Variants in TARBP1 observed in about 807,000 individuals in gnomAD.
TARBP1 encodes tRNA guanosine 2 -O-methyltransferase TARBP1.
Under a neutral mutation model 178.6 loss-of-function variants are expected in TARBP1, and 144 were observed. The ratio of observed to expected loss-of-function variants is 0.81; its 90% confidence interval spans 0.70 to 0.93. The LOEUF is 0.93. TARBP1 is among the 40% of genes least tolerant of loss of function. The probability of loss-of-function intolerance (pLI) is 0.00; values close to 1 mark genes in which losing one functional copy is unlikely to be tolerated. For missense variants in TARBP1, 2,067 were observed against 2,011.7 expected (o/e 1.03, Z -0.53); for synonymous variants, 787 against 781.0 (o/e 1.01, Z -0.13).
intron 23 of TARBP1, among the ~76,000 whole-genome samples, chr1:234,408,650 C>T (rs979130353): frequency 6.6e-6 from 1 of 152,090 alleles, no homozygotes; most frequent in African/African-American, 2.4e-5. Flanking sequence ...ATCTCGTGGC[C>T]CCCACCCTGG....
chr1:234,410,014 T>C (rs556081022), intron 23 of TARBP1, among the ~76,000 whole-genome samples: 2 of 152,310 alleles, frequency 1.3e-5, no homozygotes, highest in Non-Finnish European at 2.9e-5. Context: ...TGACAGTCAT[T>C]TTATATCACC....
In TARBP1 at chr1:234,430,196, GGA is replaced by G. The variant is rs779880179; in HGVS notation, c.2498_2499del (p.Leu833ProfsTer58). Reference protein sequence around the residue: ...DQKPELQLDSLHAGPLESFLS... With the variant: ...DQKPELQLDSXHAGPLESFLS... ...AGGAAGCTTTCCAGGGGCCCAGCAT[GGA>G]GAGAGTCCAGCTGCAGCTCAGGCTT... On this transcript the variant is annotated frameshift_variant, in exon 15 of 30. Transcript: ENST00000040877. LOFTEE classifies it high-confidence loss of function. The G allele has an allele frequency of 8.7e-6, 14 of 1,614,098 alleles. No homozygotes were observed. The highest frequency in any genetic ancestry group is 1.3e-5 in the African/African-American group (1 of 74,942).
rs16843189 is a variant in TARBP1 at position 234,447,151 on chromosome 1, C to T, written c.1962-176G>A. Among the ~76,000 whole-genome samples, 2 of 151,888 alleles carry T rather than the reference C, an allele frequency of 1.3e-5. No individual in the cohort carries two copies. Among genetic ancestry groups the T allele is most frequent in the East Asian group, 1.9e-4 (1 of 5,160 alleles). Reference sequence around the variant, plus strand: ...ACTCATCTTCTGGTCCGTGCTTTCCCGTGAGGGTGGCGACTCACTAAAGAA... The same window carrying T: ...ACTCATCTTCTGGTCCGTGCTTTCCTGTGAGGGTGGCGACTCACTAAAGAA... On this transcript the variant is annotated intron_variant, in intron 11 of 29. Transcript: ENST00000040877.
chr1:234,448,232 C>T (rs1666383649), intron 11 of TARBP1, among the ~76,000 whole-genome samples: 1 of 152,216 alleles, frequency 6.6e-6, no homozygotes, highest in South Asian at 2.1e-4. Context: ...AGCTACTGTG[C>T]CTGGCCATCT....
At chr1:234,474,752 G>A (rs564066152) in intron 1 of TARBP1, among the ~76,000 whole-genome samples, 1 of 152,254 alleles carries the variant, frequency 6.6e-6, no homozygotes, top group Non-Finnish European at 1.5e-5. Context: ...GAAATATGAG[G>A]ACAAAATAAA....
chr1:234,406,432 G>C (rs1661253769), intron 23 of TARBP1: 2 of 215,086 alleles, frequency 9.3e-6, no homozygotes, highest in African/African-American at 2.3e-5. Context: ...TTTTCAAATG[G>C]AGCCTCCATC....
At chr1:234,465,069 CGGATGGATGGATGGAT>C (rs34607418) in intron 5 of TARBP1, among the ~76,000 whole-genome samples, 2 of 150,654 alleles carry the variant, frequency 1.3e-5, no homozygotes, top group African/African-American at 4.9e-5. Flanking sequence ...GATGGATGAA[CGGATGGATGGATGGAT>C]GGATGGATGG....
chr1:234,394,933 TA>T, intron 26 of TARBP1, among the ~76,000 whole-genome samples: 1 of 151,726 alleles, frequency 6.6e-6, no homozygotes, highest in Non-Finnish European at 1.5e-5. Flanking sequence ...CTACTAAAAA[TA>T]ACACATTAGC....
chr1:234,472,931 G>A (rs912848461), intron 1 of TARBP1, 120 bp from the exon 2 acceptor site: 2 of 779,596 alleles, frequency 2.6e-6, no homozygotes, highest in Admixed American at 2.6e-5. Flanking sequence ...TAATGGAGGT[G>A]CCCCTGTATC....
chr1:234,470,907 C>T (rs12042313), intron 3 of TARBP1, among the ~76,000 whole-genome samples: 17,890 of 151,934 alleles, frequency 0.12, 2,564 homozygotes, highest in East Asian at 0.76. Context: ...TAAGCCACCA[C>T]GCCTGGCCCA....
intron 22 of TARBP1, among the ~76,000 whole-genome samples, chr1:234,416,099 AG>A (rs1299663386): frequency 1.3e-5 from 2 of 152,232 alleles, no homozygotes; most frequent in African/African-American, 2.4e-5. Flanking sequence ...TGGGAGCACC[AG>A]GAAGTTTTGG....
chr1:234,394,060 CA>C (rs1193805951), intron 26 of TARBP1, among the ~76,000 whole-genome samples: 1 of 152,144 alleles, frequency 6.6e-6, no homozygotes, highest in East Asian at 1.9e-4. Context: ...TATTAACCAA[CA>C]TATTATGATA....
At position 234,472,652 on chromosome 1, in the gene TARBP1, T is replaced by C. The variant is rs559137600; in HGVS notation, c.1029+62A>G. On this transcript the variant is annotated intron_variant, in intron 2 of 29. Coordinates refer to ENST00000040877, the MANE Select transcript of TARBP1 (RefSeq NM_005646.4). Reference sequence around the variant, plus strand: ...GTCTCTTTGTATCGCTTTTAATGAATGTTTTTAAAAAAGAAAAATTGTTAT... The same window carrying C: ...GTCTCTTTGTATCGCTTTTAATGAACGTTTTTAAAAAAGAAAAATTGTTAT... The C allele has an allele frequency of 1.3e-4, 147 of 1,127,170 alleles. No homozygotes were observed. The East Asian group carries it at 3.4e-3, about 26-fold the overall frequency. The allele number at this position is 1,127,170 out of a possible 1,614,324, so 69.8% of individuals were successfully genotyped here. A position where few individuals can be genotyped will look rare whatever the true frequency, so the allele number is the denominator to read the frequency against.
At chr1:234,437,903 G>T (rs995137370) in intron 12 of TARBP1, among the ~76,000 whole-genome samples, 3 of 152,216 alleles carry the variant, frequency 2.0e-5, no homozygotes, top group Admixed American at 2.0e-4. Context: ...TCGGAAAGCT[G>T]TTTATGAACT....
In TARBP1 at chr1:234,459,298, G is replaced by A; in HGVS notation, c.1564C>T (p.His522Tyr). Residue 522 changes from histidine to tyrosine, a missense_variant, in exon 8 of 30, where the codon CAT (histidine) becomes TAT (tyrosine). Coordinates refer to ENST00000040877, the MANE Select transcript of TARBP1 (RefSeq NM_005646.4). ...RDVIHCTMIT[H>Y]QILLRGAAQC... is the part of the protein sequence containing the mutation. ...GCTGCCCCTCTCAGGAGAATCTGAT[G>A]TGTGATCATAGTGCAATGAATAACA... 6.2e-7 allele frequency: 1 copy of A among 1,613,226 alleles called. No individual in the cohort carries two copies. The highest frequency in any genetic ancestry group is 8.5e-7 in the Non-Finnish European group (1 of 1,179,666).
chr1:234,441,673 A>C (rs1461518110), intron 12 of TARBP1, among the ~76,000 whole-genome samples: 1 of 152,224 alleles, frequency 6.6e-6, no homozygotes, highest in African/African-American at 2.4e-5. Flanking sequence ...ATCACCTCAA[A>C]GAGAAACCTC....
At chr1:234,427,225 A>C in intron 19 of TARBP1, 92 bp downstream of exon 19, 1 of 855,140 alleles carries the variant, frequency 1.2e-6, no homozygotes, top group Non-Finnish European at 1.8e-6. Flanking sequence ...GATGTCACTT[A>C]TTAAATTTAG....
At chr1:234,412,871 T>C (rs1322136066) in intron 22 of TARBP1, among the ~76,000 whole-genome samples, 1 of 152,146 alleles carries the variant, frequency 6.6e-6, no homozygotes, top group African/African-American at 2.4e-5. Context: ...ATATGCCCGA[T>C]GCAGGCCCCT....
At chr1:234,424,244 A>G (rs116674763) in intron 20 of TARBP1, among the ~76,000 whole-genome samples, 2 of 152,226 alleles carry the variant, frequency 1.3e-5, no homozygotes, top group East Asian at 3.8e-4. Flanking sequence ...GCTTTAAATG[A>G]CAGGTAACTG....
Sources: allele counts gnomAD v4.1 joint callset (sites outside exome capture counted in the v4.1 genomes callset), GRCh38; gene constraint gnomAD v4.1.1; transcripts MANE v1.5; gene names NCBI Gene and HGNC (gene_info 2026-07-23, HGNC 2026-07-21).